PDK1: variants seen among roughly 807,000 people sequenced by gnomAD.
PDK1 encodes pyruvate dehydrogenase kinase 1.
PDK1 carries 39 observed loss-of-function variants against 54.2 expected under a neutral mutation model. The observed-to-expected ratio is 0.72, with a 90% CI of 0.56 to 0.94. The LOEUF (loss-of-function observed/expected upper bound fraction) is 0.94. Among genes scored for constraint, PDK1 ranks in the 40% least tolerant of loss-of-function variants. The pLI, the probability that PDK1 is intolerant of heterozygous loss-of-function variation, is 0.00. For synonymous variants in PDK1, 221 were observed against 207.1 expected (o/e 1.07, Z -0.58); for missense variants, 552 against 566.0 (o/e 0.98, Z 0.25).
At chr2:172,720,928 C>G in the PDK1 span, among the ~76,000 whole-genome samples, 2 of 152,156 alleles carry the variant, frequency 1.3e-5, no homozygotes, top group Admixed American at 6.5e-5. Flanking sequence ...TCTGGTCCCC[C>G]ACCCTCACCC....
chr2:172,595,866 A>G lies in PDK1; in HGVS notation c.1208A>G (p.Tyr403Cys), dbSNP rs771723426. The change falls in exon 11 of 11, where the codon TAT becomes TGT. Residue 403 changes from tyrosine (Y) to cysteine (C), a missense_variant. Transcript: ENST00000282077. ...STDSIERLPV[Y>C]NKAAWKHYNT... ...GACTCAATAGAAAGACTCCCAGTGTATAACAAAGCTGCCTGGAAGCATTAC... is the reference window on the plus strand; with the variant it reads ...GACTCAATAGAAAGACTCCCAGTGTGTAACAAAGCTGCCTGGAAGCATTAC... The G allele has an allele frequency of 1.2e-6, 2 of 1,613,894 alleles. No homozygotes were observed. The highest frequency in any genetic ancestry group is 1.7e-6 in the Non-Finnish European group (2 of 1,179,784).
intron 6 of PDK1, 119 bp downstream of exon 6, chr2:172,567,052 A>G (rs1688993281): frequency 5.3e-6 from 3 of 562,474 alleles, no homozygotes; most frequent in Admixed American, 3.3e-5. Context: ...TATGAAGGCT[A>G]AAGGATAGTA....
chr2:172,575,148 G>A (rs1689508028), intron 8 of PDK1, among the ~76,000 whole-genome samples: 1 of 152,182 alleles, frequency 6.6e-6, no homozygotes, highest in African/African-American at 2.4e-5. Flanking sequence ...GTTCTATTAA[G>A]TAGTGTATTA....
At chr2:172,594,651 C>T (rs754315834) in intron 10 of PDK1, among the ~76,000 whole-genome samples, 2 of 152,024 alleles carry the variant, frequency 1.3e-5, no homozygotes, top group Non-Finnish European at 2.9e-5. Flanking sequence ...GTTTTTTGTT[C>T]TACCTTAGGG....
chr2:172,715,610 G>T, the PDK1 span, among the ~76,000 whole-genome samples: 1 of 152,152 alleles, frequency 6.6e-6, no homozygotes, highest in Admixed American at 6.5e-5. Context: ...CGCCTCATGG[G>T]AATGCAACCT....
At chr2:172,663,771 T>C in the PDK1 span, among the ~76,000 whole-genome samples, 44 of 152,274 alleles carry the variant, frequency 2.9e-4, no homozygotes, top group South Asian at 9.1e-3. Context: ...GAGTCCCTGT[T>C]TCCCCCTTTT....
the PDK1 span, among the ~76,000 whole-genome samples, chr2:172,655,541 A>G: frequency 0.027 from 4,045 of 152,334 alleles, 84 homozygotes; most frequent in African/African-American, 0.056. Context: ...GCTAAGCCAT[A>G]TCTTCTAAGC....
the PDK1 span, among the ~76,000 whole-genome samples, chr2:172,638,889 A>C: frequency 6.6e-6 from 1 of 152,234 alleles, no homozygotes; most frequent in African/African-American, 2.4e-5. Context: ...ATGGCATCAC[A>C]CCATATCAAG....
At chr2:172,668,996 TTAACA>T in the PDK1 span, among the ~76,000 whole-genome samples, 1 of 149,352 alleles carries the variant, frequency 6.7e-6, no homozygotes, top group Non-Finnish European at 1.5e-5. Flanking sequence ...CCTGGCTTAC[TTAACA>T]TAATGTCCCC....
the PDK1 span, among the ~76,000 whole-genome samples, chr2:172,680,849 A>C: frequency 6.6e-6 from 1 of 152,220 alleles, no homozygotes; most frequent in Admixed American, 6.5e-5. Flanking sequence ...CAGATCTCAA[A>C]AGCAGCTACA....
At chr2:172,634,656 A>G in the PDK1 span, among the ~76,000 whole-genome samples, 34 of 151,924 alleles carry the variant, frequency 2.2e-4, no homozygotes, top group South Asian at 5.8e-3. Context: ...CTCATTTGTT[A>G]TTACAGTCAT....
At chr2:172,666,037 T>C in the PDK1 span, among the ~76,000 whole-genome samples, 1 of 152,232 alleles carries the variant, frequency 6.6e-6, no homozygotes, top group Non-Finnish European at 1.5e-5. Context: ...GGATTTCCTC[T>C]TCCCAGATTT....
chr2:172,641,602 C>A, the PDK1 span, among the ~76,000 whole-genome samples: 1 of 151,998 alleles, frequency 6.6e-6, no homozygotes. Flanking sequence ...CCACCACGCC[C>A]GGCTAATTTT....
chr2:172,658,896 C>A, the PDK1 span, among the ~76,000 whole-genome samples: 1 of 152,202 alleles, frequency 6.6e-6, no homozygotes, highest in South Asian at 2.1e-4. Context: ...ATGTGCACAG[C>A]TGAACATAGA....
At chr2:172,658,571 C>G in the PDK1 span, among the ~76,000 whole-genome samples, 2 of 152,088 alleles carry the variant, frequency 1.3e-5, no homozygotes, top group Non-Finnish European at 2.9e-5. Flanking sequence ...GCAAAAAGAG[C>G]CATATTTTTC....
At chr2:172,574,424 G>A (rs781701112) in intron 8 of PDK1, among the ~76,000 whole-genome samples, 1 of 152,118 alleles carries the variant, frequency 6.6e-6, no homozygotes. Flanking sequence ...ATTTCCATGG[G>A]TTTTAGGATC....
At chr2:172,685,650 A>G in the PDK1 span, among the ~76,000 whole-genome samples, 9 of 152,234 alleles carry the variant, frequency 5.9e-5, no homozygotes, top group African/African-American at 2.2e-4. Context: ...ATAATTGATC[A>G]TTGCAAATAT....
Position 172,605,826 on chromosome 2 carries a change from C to T in PDK1, c.*9857C>T, listed in dbSNP as rs1691273306. 6.6e-6 allele frequency: 1 copy of T among 152,114 alleles called. No individual in the cohort carries two copies. Among genetic ancestry groups the T allele is most frequent in the African/African-American group, 2.4e-5 (1 of 41,412 alleles). The allele number at this position is 152,114 out of a possible 1,614,324, so 9.4% of individuals were successfully genotyped here. On this transcript the variant is annotated 3_prime_UTR_variant, in exon 11 of 11. Coordinates refer to ENST00000282077, the MANE Select transcript of PDK1 (RefSeq NM_002610.5). ...TGCTTCTCTCTGACCAACATAGGGG[C>T]AGGATCTGTGGAAAGACATTTACCA... is the stretch of plus-strand genomic sequence containing the variant.
chr2:172,595,797 G>A (rs1276981992), intron 10 of PDK1, 32 bp from the exon 11 acceptor site: 16 of 1,584,096 alleles, frequency 1.0e-5, no homozygotes, highest in Non-Finnish European at 1.4e-5. Flanking sequence ...AAAAATGCCA[G>A]ACTTAATAGG....
Sources: allele counts gnomAD v4.1 joint callset (sites outside exome capture counted in the v4.1 genomes callset), GRCh38; gene constraint gnomAD v4.1.1; transcripts MANE v1.5; gene names NCBI Gene and HGNC (gene_info 2026-07-23, HGNC 2026-07-21).